Variants in ATP6V1A observed in about 807,000 individuals in gnomAD.
ATP6V1A encodes V-type proton ATPase catalytic subunit A.
ATP6V1A carries 18 observed loss-of-function variants against 70.1 expected under a neutral mutation model. The ratio of observed to expected loss-of-function variants is 0.26; its 90% CI spans 0.18 to 0.38. The LOEUF is 0.38. ATP6V1A is among the 10% of genes least tolerant of loss of function. The pLI, the probability that ATP6V1A is intolerant of heterozygous loss-of-function variation, is 1.00. For synonymous variants in ATP6V1A, 232 were observed against 253.8 expected (o/e 0.91, Z 0.82); for missense variants, 424 against 772.4 (o/e 0.55, Z 5.35).
At chr3:113,809,212 G>C in intron 14 of ATP6V1A, 123 bp from the exon 15 acceptor site, 1 of 640,920 alleles carries the variant, frequency 1.6e-6, no homozygotes, top group African/African-American at 1.9e-5. Context: ...CCAAGATCGT[G>C]CCACTGCACT....
At position 113,805,459 on chromosome 3, in the gene ATP6V1A, C is replaced by T. The variant is rs1709265193; in HGVS notation, c.1695C>T (p.Ile565=). Residue 565 remains isoleucine (I), a synonymous_variant, in exon 14 of 15, where the codon ATC becomes ATT. Coordinates refer to ENST00000273398, the MANE Select transcript of ATP6V1A (RefSeq NM_001690.4). ...CCACTGCCCAGAGTGACAATAAAAT[C>T]ACATGGTCCATTATTCGTGAGCACA... is the stretch of plus-strand genomic sequence containing the variant. ...VETTAQSDNK[I]TWSIIREHMG... is the part of the protein sequence containing the mutation. The T allele has an allele frequency of 7.4e-6, 12 of 1,613,754 alleles. No homozygotes were observed. The highest frequency in any genetic ancestry group is 2.7e-5 in the African/African-American group (2 of 74,916).
intron 12 of ATP6V1A, chr3:113,802,875 C>G (rs1307567138): frequency 6.6e-6 from 1 of 151,798 alleles, no homozygotes; most frequent in Non-Finnish European, 1.5e-5. Flanking sequence ...GTTGCCCAAG[C>G]TGGTCTCTCA....
chr3:113,794,759 C>CT, intron 8 of ATP6V1A, 113 bp from the exon 9 acceptor site: 1 of 1,229,144 alleles, frequency 8.1e-7, no homozygotes, highest in South Asian at 1.5e-5. Context: ...TTGAGGGAGC[C>CT]ACTAGCAGTC....
intron 1 of ATP6V1A, among the ~76,000 whole-genome samples, chr3:113,755,596 T>C (rs1467465105): frequency 1.3e-5 from 2 of 152,150 alleles, no homozygotes; most frequent in African/African-American, 2.4e-5. Context: ...AGACCCTGTC[T>C]CAGAAAAATA....
intron 7 of ATP6V1A, 39 bp from the exon 8 acceptor site, chr3:113,789,693 T>G: frequency 6.8e-7 from 1 of 1,479,314 alleles, no homozygotes. Flanking sequence ...AATGTTACCT[T>G]AGAAATTGGA....
At chr3:113,770,472 G>A (rs1322305635) in intron 1 of ATP6V1A, among the ~76,000 whole-genome samples, 2 of 152,006 alleles carry the variant, frequency 1.3e-5, no homozygotes, top group African/African-American at 4.8e-5. Context: ...GAGGTCAGCA[G>A]TTCCAGACTA....
At chr3:113,806,727 T>C (rs1287790592) in intron 14 of ATP6V1A, among the ~76,000 whole-genome samples, 1 of 152,238 alleles carries the variant, frequency 6.6e-6, no homozygotes, top group East Asian at 1.9e-4. Flanking sequence ...CCCGAAGTGC[T>C]GGGATTACAG....
chr3:113,766,585 G>T (rs1475002479), intron 1 of ATP6V1A, among the ~76,000 whole-genome samples: 1 of 152,088 alleles, frequency 6.6e-6, no homozygotes, highest in Non-Finnish European at 1.5e-5. Context: ...ATGAGCCACT[G>T]CATCCAGCTC....
At position 113,795,014 on chromosome 3, in the gene ATP6V1A, A is replaced by C. The variant is rs878953613; in HGVS notation, c.1111+20A>C. On this transcript the variant is annotated intron_variant, in intron 9 of 14. Transcript: ENST00000273398. ...CTGCAGGTAAGTCTGTGTATTGCTTATCATGTAAACAAGACTGATGGGATT... is the reference window on the plus strand; with the variant it reads ...CTGCAGGTAAGTCTGTGTATTGCTTCTCATGTAAACAAGACTGATGGGATT... 1.9e-6 allele frequency: 3 copies of C among 1,613,324 alleles called. No homozygotes were observed. Among genetic ancestry groups the C allele is most frequent in the Non-Finnish European group, 2.5e-6 (3 of 1,179,632 alleles).
At position 113,757,841 on chromosome 3, in the gene ATP6V1A, C is replaced by A. The variant is rs930083341; in HGVS notation, c.-14+10728C>A. On this transcript the variant is annotated intron_variant, in intron 1 of 14. Transcript: ENST00000273398. ...AACAAATTTGCATAGGTCAAATAGTCCTTTAGAAATACTATATTAGTTGGC... is the reference window on the plus strand; with the variant it reads ...AACAAATTTGCATAGGTCAAATAGTACTTTAGAAATACTATATTAGTTGGC... 8.5e-5 allele frequency among the ~76,000 whole-genome samples: 13 copies of A among 152,170 alleles called. 1 individual carries two copies. The highest frequency in any genetic ancestry group is 7.2e-4 in the Admixed American group (11 of 15,270).
intron 1 of ATP6V1A, among the ~76,000 whole-genome samples, chr3:113,768,706 C>T (rs1708802074): frequency 1.3e-5 from 2 of 150,884 alleles, no homozygotes; most frequent in Non-Finnish European, 2.9e-5. Context: ...AGTGATTCTC[C>T]TGCCTCAGCC....
intron 6 of ATP6V1A, 106 bp downstream of exon 6, chr3:113,786,489 A>G: frequency 9.0e-7 from 1 of 1,110,984 alleles, no homozygotes; most frequent in South Asian, 2.4e-5. Context: ...ACTATAATAC[A>G]TTTTATCTAG....
chr3:113,786,057 TAAAA>T (rs63484660), intron 5 of ATP6V1A, among the ~76,000 whole-genome samples, 171 bp from the exon 6 acceptor site: 1 of 132,976 alleles, frequency 7.5e-6, no homozygotes, highest in Non-Finnish European at 1.6e-5. Flanking sequence ...TGCACCAGGT[TAAAA>T]AAAAAAAAAA....
intron 12 of ATP6V1A, among the ~76,000 whole-genome samples, chr3:113,799,078 A>G (rs1223179584): frequency 6.6e-6 from 1 of 152,172 alleles, no homozygotes; most frequent in African/African-American, 2.4e-5. Flanking sequence ...TATCTGCCCA[A>G]TAAGAGAAGC....
At chr3:113,779,866 A>T (rs936599245) in intron 2 of ATP6V1A, among the ~76,000 whole-genome samples, 6 of 152,136 alleles carry the variant, frequency 3.9e-5, no homozygotes, top group South Asian at 2.1e-4. Flanking sequence ...AAATTTTTTT[A>T]AATTTTACTT....
chr3:113,772,476 C>T (rs1035783088), intron 1 of ATP6V1A, among the ~76,000 whole-genome samples: 5 of 152,162 alleles, frequency 3.3e-5, no homozygotes, highest in Non-Finnish European at 5.9e-5. Flanking sequence ...GCCTGTAATC[C>T]CAGCACTTTG....
intron 1 of ATP6V1A, among the ~76,000 whole-genome samples, chr3:113,750,276 G>A (rs1577077740): frequency 6.6e-6 from 1 of 152,092 alleles, no homozygotes; most frequent in African/African-American, 2.4e-5. Flanking sequence ...TCAGGAGATC[G>A]AGACCATCCT....
chr3:113,805,791 G>T (rs986539905), intron 14 of ATP6V1A, among the ~76,000 whole-genome samples: 1 of 152,054 alleles, frequency 6.6e-6, no homozygotes, highest in South Asian at 2.1e-4. Context: ...GGATGGTCTC[G>T]ATCTCTTCAC....
chr3:113,809,333 A>G lies in ATP6V1A; in HGVS notation c.1762-2A>G, dbSNP rs1425546477. On this transcript the variant is annotated splice_acceptor_variant, in intron 14 of 14. Coordinates refer to ENST00000273398, the MANE Select transcript of ATP6V1A (RefSeq NM_001690.4). LOFTEE classifies it high-confidence loss of function. ...AGTTGAATTTGTAATGTCTTCTTTC[A>G]GGATCCACTGAAAGATGGTGAGGCA... 6.2e-7 allele frequency: 1 copy of G among 1,609,620 alleles called. No homozygotes were observed. Among genetic ancestry groups the G allele is most frequent in the Non-Finnish European group, 8.5e-7 (1 of 1,177,340 alleles).
Sources: gnomAD v4.1 joint callset for allele counts (sites outside exome capture counted in the v4.1 genomes callset) on GRCh38, gnomAD v4.1.1 for gene constraint, MANE v1.5 for transcripts, NCBI Gene and HGNC (gene_info 2026-07-23, HGNC 2026-07-21) for gene names.